Variants in PHACTR1 observed in about 807,000 individuals in gnomAD.
PHACTR1 encodes RPEL repeat containing 1.
A neutral mutation model predicts 69.2 loss-of-function variants in PHACTR1; 16 were observed. The ratio of observed to expected loss-of-function variants is 0.23; its 90% confidence interval spans 0.16 to 0.35. PHACTR1 has a LOEUF of 0.35. Among genes scored for constraint, PHACTR1 ranks in the 10% least tolerant of loss-of-function variants. The pLI is 1.00. For synonymous variants in PHACTR1, 312 were observed against 284.5 expected (o/e 1.10, Z -0.97); for missense variants, 510 against 734.7 (o/e 0.69, Z 3.54).
intron 4 of PHACTR1, among the ~76,000 whole-genome samples, chr6:12,847,302 T>C (rs1371311066): frequency 1.3e-5 from 2 of 152,140 alleles, no homozygotes; most frequent in East Asian, 1.9e-4. Context: ...GGTAGGTAGG[T>C]AGATAGATAC....
intron 5 of PHACTR1, among the ~76,000 whole-genome samples, chr6:13,097,579 T>C (rs1453073293): frequency 6.6e-6 from 1 of 152,224 alleles, no homozygotes; most frequent in Non-Finnish European, 1.5e-5. Flanking sequence ...AGCCGAAGAA[T>C]GCCCCTCTTG....
chr6:12,803,747 G>A (rs966665769), intron 4 of PHACTR1, among the ~76,000 whole-genome samples: 1 of 152,126 alleles, frequency 6.6e-6, no homozygotes, highest in African/African-American at 2.4e-5. Context: ...GAGCTGCCTC[G>A]TGCCTTGCAG....
Position 13,050,932 on chromosome 6 carries a change from C to T in PHACTR1, c.251-2433C>T, listed in dbSNP as rs1320503292. Among the ~76,000 whole-genome samples the T allele has an allele frequency of 2.0e-5, 3 of 152,122 alleles. No individual in the cohort carries two copies. In the East Asian group the frequency reaches 5.8e-4, roughly 29 times the overall value. ...CCCACCTGGCTGAATCCCATCTTTT[C>T]TTCCTATCCTTCTGTCATGCCCCTG... On this transcript the variant is annotated intron_variant, in intron 4 of 14. Transcript: ENST00000332995.
At chr6:13,207,459 G>A (rs996561476) in intron 8 of PHACTR1, among the ~76,000 whole-genome samples, 2 of 152,130 alleles carry the variant, frequency 1.3e-5, no homozygotes, top group Non-Finnish European at 1.5e-5. Context: ...GCCTCCAGTC[G>A]CTCTTCGGGG....
intron 4 of PHACTR1, among the ~76,000 whole-genome samples, chr6:12,967,866 C>T (rs1793683155): frequency 6.6e-6 from 1 of 152,194 alleles, no homozygotes; most frequent in Admixed American, 6.5e-5. Flanking sequence ...TTTGCAAGGA[C>T]TAGTTTTGTC....
intron 3 of PHACTR1, among the ~76,000 whole-genome samples, chr6:12,735,068 T>A (rs1348763738): frequency 6.6e-6 from 1 of 152,170 alleles, no homozygotes; most frequent in African/African-American, 2.4e-5. Flanking sequence ...GCTGGGCTGT[T>A]GGGGTTTAGG....
At chr6:12,943,997 T>C (rs990936795) in intron 4 of PHACTR1, among the ~76,000 whole-genome samples, 1 of 152,240 alleles carries the variant, frequency 6.6e-6, no homozygotes, top group African/African-American at 2.4e-5. Flanking sequence ...GGTCATTTTA[T>C]GGATTATTAA....
chr6:12,990,319 G>A (rs1159677029), intron 4 of PHACTR1, among the ~76,000 whole-genome samples: 3 of 152,056 alleles, frequency 2.0e-5, no homozygotes, highest in African/African-American at 7.2e-5. Context: ...CAAGGAGCTC[G>A]GCACTCCCAC....
intron 7 of PHACTR1, chr6:13,185,035 G>C (rs1762663290): frequency 7.5e-7 from 1 of 1,329,336 alleles, no homozygotes. Flanking sequence ...GGGGCAAGCA[G>C]TCCCTCCTTC....
rs748719128 is a variant in PHACTR1, at chr6:13,184,785, G to C, written c.664+2099G>C. ...GTGTAATGTCTCCTGTGTATCATGT[G>C]GTTGTCCCCTCAGTGTCTGAAGAGA... On this transcript the variant is annotated intron_variant, in intron 7 of 14. Transcript: ENST00000332995. 4 of 1,365,102 alleles carry C rather than the reference G, an allele frequency of 2.9e-6. 1 individual carries two copies. The South Asian group carries it at 4.5e-5, about 16-fold the overall frequency. The allele number at this position is 1,365,102 out of a possible 1,614,324, so 84.6% of individuals were successfully genotyped here.
intron 4 of PHACTR1, among the ~76,000 whole-genome samples, chr6:12,769,384 TC>T (rs1297710755): frequency 2.6e-5 from 4 of 152,240 alleles, no homozygotes; most frequent in African/African-American, 9.6e-5. Context: ...ATTTTCACCT[TC>T]TTTCTCTTTT....
At chr6:12,995,735 A>G (rs1242816585) in intron 4 of PHACTR1, among the ~76,000 whole-genome samples, 1 of 152,066 alleles carries the variant, frequency 6.6e-6, no homozygotes, top group African/African-American at 2.4e-5. Flanking sequence ...TAGTCTCCAA[A>G]TATGAAATGC....
At chr6:13,272,726 C>G (rs1230918635) in intron 10 of PHACTR1, 134 bp from the exon 11 acceptor site, 12 of 1,596,214 alleles carry the variant, frequency 7.5e-6, no homozygotes, top group Non-Finnish European at 1.0e-5. Flanking sequence ...TGGCGAGAGT[C>G]AGTCTTTCAG....
intron 5 of PHACTR1, among the ~76,000 whole-genome samples, chr6:13,077,018 C>T (rs921206530): frequency 1.3e-5 from 2 of 150,092 alleles, no homozygotes; most frequent in Non-Finnish European, 3.0e-5. Flanking sequence ...GTGCAGCGCA[C>T]CAGCATGGCA....
chr6:12,812,840 G>A (rs1007688316), intron 4 of PHACTR1, among the ~76,000 whole-genome samples: 2 of 152,168 alleles, frequency 1.3e-5, no homozygotes, highest in African/African-American at 4.8e-5. Flanking sequence ...TGTGTAATTG[G>A]ACTTTCATCA....
At chr6:13,263,581 C>A (rs561175343) in intron 10 of PHACTR1, among the ~76,000 whole-genome samples, 1 of 152,100 alleles carries the variant, frequency 6.6e-6, no homozygotes, top group South Asian at 2.1e-4. Context: ...TACTTAAGAT[C>A]CCTTGAAAGT....
intron 8 of PHACTR1, 89 bp from the exon 9 acceptor site, chr6:13,227,727 T>C (rs935518274): frequency 1.3e-6 from 2 of 1,501,908 alleles, no homozygotes; most frequent in Non-Finnish European, 1.8e-6. Context: ...CTCTTAGGAC[T>C]GGGCAACTGA....
chr6:12,839,629 T>A (rs1199900048), intron 4 of PHACTR1, among the ~76,000 whole-genome samples: 6 of 152,122 alleles, frequency 3.9e-5, no homozygotes, highest in Non-Finnish European at 7.4e-5. Context: ...TCCTCCCAAC[T>A]TGATTCCAAA....
intron 4 of PHACTR1, among the ~76,000 whole-genome samples, chr6:12,772,592 C>A (rs978419007): frequency 2.6e-5 from 4 of 152,130 alleles, no homozygotes; most frequent in African/African-American, 9.7e-5. Context: ...CATTTTCTCT[C>A]CCATAGTACT....
Sources: allele counts gnomAD v4.1 joint callset (sites outside exome capture counted in the v4.1 genomes callset), GRCh38; gene constraint gnomAD v4.1.1; transcripts MANE v1.5; gene names NCBI Gene and HGNC (gene_info 2026-07-23, HGNC 2026-07-21).